Variants in KMT2C observed in about 807,000 individuals in gnomAD.
KMT2C encodes lysine methyltransferase 2C.
A neutral mutation model predicts 507.9 loss-of-function variants in KMT2C; 88 were observed. That is an observed-to-expected ratio of 0.17 (90% confidence interval 0.15 to 0.21). The LOEUF (loss-of-function observed/expected upper bound fraction) is 0.21. KMT2C is among the 10% of genes least tolerant of loss of function. The probability of loss-of-function intolerance (pLI) is 1.00; values close to 1 mark genes in which losing one functional copy is unlikely to be tolerated. For missense variants in KMT2C, 4,954 were observed against 5,957.8 expected (o/e 0.83, Z 5.55); for synonymous variants, 2,049 against 2,080.8 (o/e 0.98, Z 0.42).
intron 14 of KMT2C, chr7:152,239,117 G>A (rs1303163072): frequency 1.1e-4 from 25 of 234,182 alleles, no homozygotes; most frequent in South Asian, 1.4e-4. Context: ...ATTGACTCAT[G>A]AACTGCAATT....
At chr7:152,214,664 C>T (rs528277885) in intron 23 of KMT2C, among the ~76,000 whole-genome samples, 7 of 152,058 alleles carry the variant, frequency 4.6e-5, no homozygotes, top group South Asian at 4.2e-4. Context: ...ATGGATGAAC[C>T]GGGAGGAAAG....
At chr7:152,172,045 T>C (rs1034895755) in intron 39 of KMT2C, among the ~76,000 whole-genome samples, 1 of 152,242 alleles carries the variant, frequency 6.6e-6, no homozygotes, top group Non-Finnish European at 1.5e-5. Context: ...CGTATCAAGA[T>C]ATACATACAA....
rs187401695 is a variant in KMT2C at position 152,145,202 on chromosome 7, C to A, written c.14125G>T (p.Ala4709Ser). 46 of 1,614,146 alleles carry A rather than the reference C, an allele frequency of 2.8e-5. No homozygotes were observed. Among genetic ancestry groups the A allele is most frequent in the Non-Finnish European group, 1.4e-5 (16 of 1,180,030 alleles). ...LPLAVNPTGC[A>S]RSEPKMSAHV... is the part of the protein sequence containing the mutation. Reference sequence around the variant, plus strand: ...GCACTCATTTTAGGTTCAGAACGGGCACAACCTGTGGGGTTAACGGCAAGA... The same window carrying A: ...GCACTCATTTTAGGTTCAGAACGGGAACAACCTGTGGGGTTAACGGCAAGA... Residue 4709 changes from alanine to serine, a missense_variant, in exon 54 of 59, where the codon GCC becomes TCC. Around this residue, in one of 29 missense-constraint regions of KMT2C, gnomAD observed 221 missense variants for 304.7 expected, o/e 0.73. Transcript: ENST00000262189.
At chr7:152,239,571 A>T (rs2095346229) in intron 14 of KMT2C, among the ~76,000 whole-genome samples, 1 of 152,222 alleles carries the variant, frequency 6.6e-6, no homozygotes. Context: ...AATTATATAG[A>T]AAGTAGTATC....
chr7:152,203,155 A>AC, intron 25 of KMT2C, 91 bp from the exon 26 acceptor site: 1 of 957,918 alleles, frequency 1.0e-6, no homozygotes, highest in South Asian at 2.2e-5. Flanking sequence ...CAACATACAC[A>AC]CAGTTTCATA....
intron 2 of KMT2C, among the ~76,000 whole-genome samples, chr7:152,335,849 A>G (rs1249329204): frequency 3.3e-5 from 5 of 152,122 alleles, no homozygotes. Flanking sequence ...CAGGTATACA[A>G]CCTTTTGAAA....
chr7:152,374,832 G>A lies in KMT2C; in HGVS notation c.162-16157C>T, dbSNP rs552532680. 1.2e-4 allele frequency among the ~76,000 whole-genome samples: 18 copies of A among 149,100 alleles called. No homozygotes were observed. In the East Asian group the frequency reaches 2.8e-3, roughly 23 times the overall value. On this transcript the variant is annotated intron_variant, in intron 1 of 58. Transcript: ENST00000262189. ...CGAGAGGCGGAGCTTGCAGTGAGCC[G>A]AGATCGCAGCATTGTACTCTAGCCT...
chr7:152,268,838 C>A (rs542477564), intron 7 of KMT2C, among the ~76,000 whole-genome samples: 1 of 152,154 alleles, frequency 6.6e-6, no homozygotes, highest in East Asian at 1.9e-4. Flanking sequence ...CCTGACACTT[C>A]AAGTTGCCAT....
intron 23 of KMT2C, among the ~76,000 whole-genome samples, chr7:152,208,118 T>G (rs1182001566): frequency 1.3e-5 from 2 of 152,206 alleles, no homozygotes; most frequent in East Asian, 3.8e-4. Context: ...TAAATGATCT[T>G]TCTATAAATA....
intron 18 of KMT2C, among the ~76,000 whole-genome samples, chr7:152,228,111 T>C (rs777598776): frequency 1.6e-4 from 24 of 152,234 alleles, no homozygotes; most frequent in Non-Finnish European, 3.2e-4. Flanking sequence ...AGAGGCTACA[T>C]GTTGTATCAT....
At chr7:152,366,718 T>C (rs1472467478) in intron 1 of KMT2C, 1 of 170,936 alleles carries the variant, frequency 5.9e-6, no homozygotes, top group Non-Finnish European at 1.2e-5. Flanking sequence ...AATGTACACT[T>C]AAAAATAGTT....
At chr7:152,423,464 G>A (rs1046731266) in intron 1 of KMT2C, among the ~76,000 whole-genome samples, 2 of 152,238 alleles carry the variant, frequency 1.3e-5, no homozygotes, top group African/African-American at 4.8e-5. Context: ...GGAGGAGGCT[G>A]TGTGCCCTTG....
chr7:152,193,117 C>T (rs954179216), intron 31 of KMT2C, among the ~76,000 whole-genome samples: 12 of 152,084 alleles, frequency 7.9e-5, no homozygotes, highest in Non-Finnish European at 1.6e-4. Context: ...TCGCAGCTGA[C>T]GTGAGTTGTG....
intron 28 of KMT2C, 70 bp from the exon 29 acceptor site, chr7:152,194,638 T>C (rs1338567362): frequency 8.6e-7 from 1 of 1,162,216 alleles, no homozygotes; most frequent in Non-Finnish European, 1.3e-6. Flanking sequence ...TAGCACTATT[T>C]ACCTGTACTT....
chr7:152,318,940 G>C (rs1013040674), intron 3 of KMT2C, among the ~76,000 whole-genome samples: 2 of 152,164 alleles, frequency 1.3e-5, no homozygotes, highest in African/African-American at 4.8e-5. Flanking sequence ...GAATCTGAAA[G>C]AGATGGTTAA....
In KMT2C at chr7:152,176,392, C is replaced by T. The variant is rs2093212274; in HGVS notation, c.9061G>A (p.Gly3021Ser). 1 of 1,613,982 alleles carries T rather than the reference C, an allele frequency of 6.2e-7. No homozygotes were observed. Among genetic ancestry groups the T allele is most frequent in the African/African-American group, 1.3e-5 (1 of 74,898 alleles). Residue 3021 changes from glycine (G) to serine (S), a missense_variant, in exon 38 of 59, where the codon GGT becomes AGT. Around this residue, in one of 29 missense-constraint regions of KMT2C, gnomAD observed 1,689 missense variants for 1,654.3 expected, o/e 1.02. Transcript: ENST00000262189. ...TGGGGTCCAGACATGCTACTGGTAC[C>T]AGACTGACTTGTTTGAGGCCCAGTT... Reference protein sequence around the residue: ...TQTGPQTSQSGTSSMSGPQQL... With the variant: ...TQTGPQTSQSSTSSMSGPQQL...
At chr7:152,417,645 G>T (rs573969981) in intron 1 of KMT2C, among the ~76,000 whole-genome samples, 2 of 151,988 alleles carry the variant, frequency 1.3e-5, no homozygotes, top group South Asian at 2.1e-4. Context: ...ATGCTTTTTT[G>T]TTGTTGTTGT....
intron 2 of KMT2C, among the ~76,000 whole-genome samples, chr7:152,358,222 C>T (rs1315813816): frequency 6.6e-6 from 1 of 152,132 alleles, no homozygotes; most frequent in African/African-American, 2.4e-5. Flanking sequence ...CTACTTTTTT[C>T]AGAACACATA....
At chr7:152,192,707 A>G (rs1045598837) in intron 31 of KMT2C, among the ~76,000 whole-genome samples, 5 of 152,208 alleles carry the variant, frequency 3.3e-5, no homozygotes, top group Non-Finnish European at 5.9e-5. Flanking sequence ...CATTATGTGC[A>G]TTATGGAATT....
Sources: allele counts gnomAD v4.1 joint callset (sites outside exome capture counted in the v4.1 genomes callset), GRCh38; gene constraint gnomAD v4.1.1; regional missense constraint gnomAD v4.1.1; transcripts MANE v1.5; gene names NCBI Gene and HGNC (gene_info 2026-07-23, HGNC 2026-07-21).